The following TUSC3 variants were observed in gnomAD, a reference collection of about 807,000 sequenced individuals.
The protein encoded by TUSC3 is dolichyl-diphosphooligosaccharide--protein glycosyltransferase subunit TUSC3.
TUSC3 carries 45 observed loss-of-function variants against 44.8 expected under a neutral mutation model. The observed-to-expected ratio is 1.00, with a 90% CI of 0.79 to 1.29. The LOEUF is 1.29. Among genes scored for constraint, TUSC3 ranks in the 50% most tolerant of loss-of-function variants. The probability of loss-of-function intolerance (pLI) is 0.00; values close to 1 mark genes in which losing one functional copy is unlikely to be tolerated. For synonymous variants in TUSC3, 212 were observed against 152.9 expected (o/e 1.39, Z -2.85); for missense variants, 519 against 437.9 (o/e 1.19, Z -1.65).
intron 1 of TUSC3, among the ~76,000 whole-genome samples, chr8:15,562,887 A>G (rs79671867): frequency 0.028 from 4,240 of 152,254 alleles, 204 homozygotes; most frequent in East Asian, 0.22. Flanking sequence ...TCTCATTTAA[A>G]TAACTCAGAG....
intron 6 of TUSC3, among the ~76,000 whole-genome samples, chr8:15,728,592 A>AG (rs1810592274): frequency 6.6e-6 from 1 of 152,130 alleles, no homozygotes; most frequent in African/African-American, 2.4e-5. Flanking sequence ...TACTCTCCTG[A>AG]GTTAGGGGAG....
chr8:15,775,570 G>A, the TUSC3 span, among the ~76,000 whole-genome samples: 1 of 151,442 alleles, frequency 6.6e-6, no homozygotes, highest in African/African-American at 2.4e-5. Flanking sequence ...GGACTTCAGT[G>A]TCCCAGTTAG....
At chr8:15,771,629 AAAAT>A (rs1258106819), downstream of TUSC3, among the ~76,000 whole-genome samples, 2 of 152,210 alleles carry the variant, frequency 1.3e-5, no homozygotes, top group African/African-American at 4.8e-5. Context: ...AAATATGTGG[AAAAT>A]AAATAATATA....
At chr8:15,523,163 G>C (rs1035459837) in intron 2 of TUSC3, among the ~76,000 whole-genome samples, 1 of 152,074 alleles carries the variant, frequency 6.6e-6, no homozygotes, top group Admixed American at 6.6e-5. Context: ...TCTCCTAATG[G>C]TCAATGGTTG....
rs546384867 is a variant in TUSC3, at chr8:15,492,244, G to C, written n.189+8761G>C. ...ACGTTAATAATATGAAGAGCGATGG[G>C]AGTTAGCACGAACTCAAGAAGAGCC... is the stretch of plus-strand genomic sequence containing the variant. On this transcript the variant is annotated intron_variant and non_coding_transcript_variant, in intron 2 of 5. Coordinates refer to the TUSC3 transcript ENST00000503191. 4.6e-5 allele frequency among the ~76,000 whole-genome samples: 7 copies of C among 152,230 alleles called. No individual in the cohort carries two copies. In the South Asian group the frequency reaches 1.2e-3, roughly 27 times the overall value.
intron 1 of TUSC3, among the ~76,000 whole-genome samples, chr8:15,588,715 G>C (rs1012279235): frequency 3.9e-5 from 6 of 152,014 alleles, no homozygotes; most frequent in African/African-American, 9.7e-5. Flanking sequence ...ATTATATTTT[G>C]AGTTAATTTT....
At chr8:15,592,535 A>C (rs1300334060) in intron 1 of TUSC3, among the ~76,000 whole-genome samples, 1 of 151,640 alleles carries the variant, frequency 6.6e-6, no homozygotes, top group African/African-American at 2.4e-5. Flanking sequence ...GGAGCCTGCC[A>C]CCTCCTCCTA....
the TUSC3 span, among the ~76,000 whole-genome samples, chr8:15,798,103 C>T: frequency 3.3e-5 from 5 of 152,222 alleles, no homozygotes; most frequent in Non-Finnish European, 5.9e-5. Context: ...GGGTTCTCTA[C>T]ATGTGGCTCT....
At chr8:15,767,737 A>G (rs189143465), downstream of TUSC3, among the ~76,000 whole-genome samples, 13 of 152,244 alleles carry the variant, frequency 8.5e-5, no homozygotes, top group African/African-American at 3.1e-4. Context: ...CGGTTGACGT[A>G]ACTCAGAAGT....
chr8:15,623,050 G>C (rs781266816), intron 1 of TUSC3, 30 bp from the exon 2 acceptor site: 3 of 1,610,040 alleles, frequency 1.9e-6, no homozygotes, highest in Middle Eastern at 3.4e-4. Flanking sequence ...TTGACTCTTT[G>C]TAAATGTTAA....
At chr8:15,620,941 G>T (rs543967773) in intron 1 of TUSC3, among the ~76,000 whole-genome samples, 24 of 152,190 alleles carry the variant, frequency 1.6e-4, no homozygotes, top group African/African-American at 5.3e-4. Flanking sequence ...AAAACAGTAA[G>T]ATTATTGTAG....
intron 6 of TUSC3, among the ~76,000 whole-genome samples, chr8:15,711,066 A>C (rs931923510): frequency 6.6e-6 from 1 of 151,642 alleles, no homozygotes; most frequent in African/African-American, 2.4e-5. Context: ...TGTCTCTGAT[A>C]ATGTAGACAT....
chr8:15,542,476 T>G (rs1339258076), intron 1 of TUSC3, among the ~76,000 whole-genome samples: 1 of 151,996 alleles, frequency 6.6e-6, no homozygotes, highest in African/African-American at 2.4e-5. Context: ...CAGGTTAGCT[T>G]TGGGATATGC....
At chr8:15,851,810 T>C in the TUSC3 span, among the ~76,000 whole-genome samples, 2 of 152,188 alleles carry the variant, frequency 1.3e-5, no homozygotes, top group Non-Finnish European at 2.9e-5. Context: ...CACCCACATC[T>C]CATTTTGTAT....
chr8:15,435,158 T>A (rs1799929949), intron 1 of TUSC3, among the ~76,000 whole-genome samples: 1 of 150,658 alleles, frequency 6.6e-6, no homozygotes, highest in Non-Finnish European at 1.5e-5. Context: ...ACCAACATTG[T>A]AAAAGTGTTC....
chr8:15,657,928 T>G (rs968931500), intron 3 of TUSC3, among the ~76,000 whole-genome samples: 1 of 152,176 alleles, frequency 6.6e-6, no homozygotes, highest in Non-Finnish European at 1.5e-5. Context: ...AGGCACTTCT[T>G]GCTGCATCAT....
At chr8:15,811,343 T>C in the TUSC3 span, among the ~76,000 whole-genome samples, 1 of 152,198 alleles carries the variant, frequency 6.6e-6, no homozygotes, top group African/African-American at 2.4e-5. Flanking sequence ...CTACATCCCC[T>C]CCACACCCTA....
At chr8:15,465,319 A>C (rs1051633383) in intron 1 of TUSC3, among the ~76,000 whole-genome samples, 2 of 152,226 alleles carry the variant, frequency 1.3e-5, no homozygotes, top group Non-Finnish European at 2.9e-5. Flanking sequence ...TGTGGAAAAC[A>C]GCAGGGAAAC....
chr8:15,453,501 T>C (rs1456196309), intron 1 of TUSC3, among the ~76,000 whole-genome samples: 2 of 152,204 alleles, frequency 1.3e-5, no homozygotes, highest in African/African-American at 2.4e-5. Flanking sequence ...CTTGTGCAAA[T>C]TGACTTAATG....
Sources: allele counts gnomAD v4.1 joint callset (sites outside exome capture counted in the v4.1 genomes callset), GRCh38; gene constraint gnomAD v4.1.1; transcripts MANE v1.5; gene names NCBI Gene and HGNC (gene_info 2026-07-23, HGNC 2026-07-21).